Variants in ACTN4 observed in about 807,000 individuals in gnomAD.
ACTN4 encodes the protein alpha-actinin-4.
In ACTN4, 18 loss-of-function variants were observed where a neutral mutation model predicts 114.2. The ratio of observed to expected loss-of-function variants is 0.16; its 90% CI spans 0.11 to 0.23. ACTN4 has a LOEUF of 0.23. ACTN4 is among the 10% of genes least tolerant of loss of function. The pLI is 1.00. For missense variants in ACTN4, 722 were observed against 1,262.9 expected, an observed-to-expected ratio of 0.57 and a Z score of 6.49; for synonymous variants, 515 against 506.3, an observed-to-expected ratio of 1.02 and a Z score of -0.23.
intron 8 of ACTN4, 49 bp from the exon 9 acceptor site, chr19:38,714,420 G>A (rs1756171218): frequency 1.3e-6 from 2 of 1,572,588 alleles, no homozygotes; most frequent in East Asian, 2.3e-5. Flanking sequence ...CCCGTCAGGA[G>A]GGAGGGTGGC....
Position 38,731,148 on chromosome 19 carries a change from T to A in ACTN4, c.*1716T>A, listed in dbSNP as rs2145134879. 1 of 1,612,904 alleles carries A rather than the reference T, an allele frequency of 6.2e-7. No individual in the cohort carries two copies. The highest frequency in any genetic ancestry group is 1.1e-5 in the South Asian group (1 of 91,058). On this transcript the variant is annotated 3_prime_UTR_variant, in exon 21 of 21. Coordinates refer to ENST00000252699, the MANE Select transcript of ACTN4 (RefSeq NM_004924.6). ...GTGGGCCACACAGGACACGAACCGC[T>A]CGAAGTCCACACGCAGACGGCTATC...
At chr19:38,728,944 GCCCCTGCCCCACTAAATGTCGGGTGT>G in intron 19 of ACTN4, 26 bp from the exon 20 acceptor site, 2 of 1,603,630 alleles carry the variant, frequency 1.2e-6, no homozygotes, top group Non-Finnish European at 1.7e-6. Context: ...GGGCCTGGCT[GCCCCTGCCCCACTAAATGTCGGGTGT>G]CCCCCACCCC....
At chr19:38,703,335 C>T (rs1273323507) in intron 3 of ACTN4, among the ~76,000 whole-genome samples, 2 of 150,430 alleles carry the variant, frequency 1.3e-5, no homozygotes, top group Non-Finnish European at 3.0e-5. Context: ...GCCTCCCGGG[C>T]TCAAGCAATT....
chr19:38,660,923 C>T (rs76407188), intron 1 of ACTN4, among the ~76,000 whole-genome samples: 2,142 of 152,116 alleles, frequency 0.014, 57 homozygotes, highest in African/African-American at 0.047. Flanking sequence ...GCAGGTACTT[C>T]AGATGGAGAG....
intron 1 of ACTN4, among the ~76,000 whole-genome samples, chr19:38,650,743 T>G (rs1976537252): frequency 1.3e-5 from 2 of 152,096 alleles, no homozygotes; most frequent in Non-Finnish European, 2.9e-5. Context: ...CTGGGTTGTT[T>G]GTTTGTTTGT....
chr19:38,674,412 T>C (rs1027010150), intron 1 of ACTN4, among the ~76,000 whole-genome samples: 7 of 152,168 alleles, frequency 4.6e-5, no homozygotes, highest in African/African-American at 1.7e-4. Flanking sequence ...TCTACAAATA[T>C]TTATTGCGTG....
chr19:38,717,545 A>G lies in ACTN4; in HGVS notation c.1143+229A>G, dbSNP rs1968884469. Among the ~76,000 whole-genome samples, 1 of 152,084 alleles carries G rather than the reference A, an allele frequency of 6.6e-6. No individual in the cohort carries two copies. The highest frequency in any genetic ancestry group is 1.9e-4 in the East Asian group (1 of 5,178). The stretch of plus-strand genomic sequence containing the variant: ...CACCCAGGGTTTTATACGCATCCCA[A>G]ATCCTTGCCACGGGTTGTGTGGGTG... On this transcript the variant is annotated intron_variant, in intron 10 of 20. Transcript: ENST00000252699. This position sits in a 1 kb window ranked among gnomAD's most constrained non-coding sequence, Gnocchi z 4.0.
intron 1 of ACTN4, among the ~76,000 whole-genome samples, chr19:38,651,918 G>T (rs568501482): frequency 6.6e-6 from 1 of 152,120 alleles, no homozygotes; most frequent in Non-Finnish European, 1.5e-5. Context: ...TTTTAGTAGA[G>T]ACAGAGAGTT....
intron 1 of ACTN4, among the ~76,000 whole-genome samples, chr19:38,669,180 T>C (rs1430517612): frequency 1.3e-5 from 2 of 152,078 alleles, no homozygotes; most frequent in Non-Finnish European, 2.9e-5. Context: ...AGAGACGGGG[T>C]TTCACCATGT....
intron 8 of ACTN4, chr19:38,711,417 G>A (rs1297619088): frequency 3.5e-6 from 3 of 866,658 alleles, no homozygotes; most frequent in Non-Finnish European, 2.8e-6. Context: ...CTTCACCACC[G>A]CCCTTGCATC....
chr19:38,688,390 CAAAAAAA>C (rs35793948), intron 1 of ACTN4, among the ~76,000 whole-genome samples: 3 of 81,152 alleles, frequency 3.7e-5, no homozygotes, highest in African/African-American at 1.5e-4. Flanking sequence ...TTGTCTCTAC[CAAAAAAA>C]AAAAAAAAAA....
rs1439358385 is a variant in ACTN4 at position 38,727,170 on chromosome 19, C to T, written c.2337+67C>T. ...TTGCCGTACCAGCCCACACCTTCGT[C>T]TCTGCATCTGTTCGTCCATTCCCAT... On this transcript the variant is annotated intron_variant, in intron 18 of 20. Transcript: ENST00000252699. This position sits in a 1 kb window ranked among gnomAD's most constrained non-coding sequence, Gnocchi z 5.4. 7 of 1,610,022 alleles carry T rather than the reference C, an allele frequency of 4.3e-6. No individual in the cohort carries two copies. The highest frequency in any genetic ancestry group is 4.5e-5 in the East Asian group (2 of 44,842).
intron 3 of ACTN4, among the ~76,000 whole-genome samples, chr19:38,703,839 G>A (rs1263502880): frequency 6.6e-5 from 10 of 152,202 alleles, no homozygotes; most frequent in African/African-American, 1.4e-4. Context: ...AAGCCACCAC[G>A]AGAGGTGACA....
At chr19:38,659,806 A>G (rs756620953) in intron 1 of ACTN4, among the ~76,000 whole-genome samples, 1 of 152,090 alleles carries the variant, frequency 6.6e-6, no homozygotes, top group Non-Finnish European at 1.5e-5. Flanking sequence ...ATTATGTCAG[A>G]GTATGGGCAG....
At chr19:38,648,938 T>C (rs1976471661) in intron 1 of ACTN4, among the ~76,000 whole-genome samples, 1 of 150,860 alleles carries the variant, frequency 6.6e-6, no homozygotes, top group African/African-American at 2.4e-5. Context: ...TTTAGGAAAA[T>C]GAAAGTCTCA....
chr19:38,728,393 T>C, intron 19 of ACTN4: 1 of 1,276,570 alleles, frequency 7.8e-7, no homozygotes, highest in African/African-American at 1.6e-5. Context: ...TATGCAGCTC[T>C]GTCTCCCCAG....
intron 1 of ACTN4, among the ~76,000 whole-genome samples, chr19:38,691,432 A>C (rs1019290792): frequency 1.3e-5 from 2 of 151,616 alleles, no homozygotes; most frequent in African/African-American, 4.8e-5. Flanking sequence ...AACAAAAAAA[A>C]AAACCCAACA....
intron 1 of ACTN4, among the ~76,000 whole-genome samples, chr19:38,652,389 TG>T (rs1216880645): frequency 6.6e-6 from 1 of 151,836 alleles, no homozygotes; most frequent in Admixed American, 6.6e-5. Context: ...GAAGAAAAGG[TG>T]GGGTATGGGA....
At chr19:38,690,807 A>G (rs1967899053) in intron 1 of ACTN4, among the ~76,000 whole-genome samples, 1 of 152,236 alleles carries the variant, frequency 6.6e-6, no homozygotes, top group Admixed American at 6.5e-5. Flanking sequence ...AATTTTATGT[A>G]AAAGGGTGAA....
Sources: allele counts gnomAD v4.1 joint callset (sites outside exome capture counted in the v4.1 genomes callset), GRCh38; gene constraint gnomAD v4.1.1; non-coding constraint Gnocchi (gnomAD v3.1); transcripts MANE v1.5; gene names NCBI Gene and HGNC (gene_info 2026-07-23, HGNC 2026-07-21).